The following ITPR1 variants were observed in gnomAD, a reference collection of about 807,000 sequenced individuals.
ITPR1 encodes inositol 1,4,5-trisphosphate receptor type 1.
In ITPR1, 96 loss-of-function variants were observed where a neutral mutation model predicts 318.4. That is an observed-to-expected ratio of 0.30 (90% CI 0.26 to 0.36). The LOEUF is 0.36. ITPR1 is among the 10% of genes least tolerant of loss of function. The pLI is 1.00. For missense variants in ITPR1, 2,440 were observed against 3,460.2 expected (o/e 0.71, Z 7.40); for synonymous variants, 1,312 against 1,289.9 (o/e 1.02, Z -0.37).
Position 4,754,966 on chromosome 3 carries a change from C to T in ITPR1, c.5545-11564C>T, listed in dbSNP as rs377263244. ...GTGTATCCCCACAAAAGATACTGGC[C>T]TTTGGCATCTGTTTGACTATTGAAC... On this transcript the variant is annotated intron_variant, in intron 44 of 61. Transcript: ENST00000649015. 8.9e-4 allele frequency among the ~76,000 whole-genome samples: 136 copies of T among 152,300 alleles called. 2 individuals carry two copies. The highest frequency in any genetic ancestry group is 3.2e-3 in the African/African-American group (133 of 41,562).
chr3:4,703,331 C>T (rs548673006), intron 36 of ITPR1, among the ~76,000 whole-genome samples: 7 of 152,282 alleles, frequency 4.6e-5, no homozygotes, highest in South Asian at 2.1e-4. Context: ...TCCTGGAAAG[C>T]ACCTGTCACA....
In ITPR1 at chr3:4,751,925, C is replaced by T. The variant is rs567535263; in HGVS notation, c.5545-14605C>T. ...GTTGCCTCTGGTTCTTCTGCCTTGA[C>T]CCTCCTTTTCACGGAGAAATCTATG... On this transcript the variant is annotated intron_variant, in intron 44 of 61. Transcript: ENST00000649015. 4.1e-4 allele frequency among the ~76,000 whole-genome samples: 62 copies of T among 152,310 alleles called. No homozygotes were observed. The South Asian group carries it at 8.3e-3, about 20-fold the overall frequency.
intron 42 of ITPR1, among the ~76,000 whole-genome samples, chr3:4,728,069 C>A (rs1185472424): frequency 1.3e-5 from 2 of 152,212 alleles, no homozygotes; most frequent in Non-Finnish European, 2.9e-5. Context: ...CCTGAAGTTC[C>A]TCAAATTAAC....
intron 4 of ITPR1, among the ~76,000 whole-genome samples, chr3:4,563,748 G>A (rs1575544408): frequency 6.6e-6 from 1 of 152,056 alleles, no homozygotes. Context: ...GCGTACCTGT[G>A]ACTCCACAGA....
intron 12 of ITPR1, among the ~76,000 whole-genome samples, chr3:4,654,996 A>C (rs1477081884): frequency 6.6e-6 from 1 of 152,046 alleles, no homozygotes; most frequent in Non-Finnish European, 1.5e-5. Context: ...TCTAGAGTCC[A>C]TTTTGAAAGC....
intron 55 of ITPR1, 145 bp downstream of exon 55, chr3:4,806,412 G>C (rs969506493): frequency 1.2e-6 from 1 of 804,488 alleles, no homozygotes; most frequent in Non-Finnish European, 2.0e-6. Context: ...GGCAGCCTTT[G>C]GGGGATCTGA....
chr3:4,537,929 A>G (rs1047845996), intron 4 of ITPR1, among the ~76,000 whole-genome samples: 7 of 152,106 alleles, frequency 4.6e-5, no homozygotes, highest in Non-Finnish European at 8.8e-5. Flanking sequence ...TTGAATAAGC[A>G]CTGACCCATG....
chr3:4,813,936 G>A (rs1423754149), intron 57 of ITPR1, among the ~76,000 whole-genome samples: 1 of 152,206 alleles, frequency 6.6e-6, no homozygotes, highest in Non-Finnish European at 1.5e-5. Context: ...GGCTCTTACT[G>A]CATAAACCAG....
rs1330259961 is a variant in ITPR1 at position 4,601,180 on chromosome 3, T to TA, written c.164-26583_164-26582insA. Among the ~76,000 whole-genome samples, 119 of 148,642 alleles carry TA rather than the reference T, an allele frequency of 8.0e-4. 1 individual carries two copies. The highest frequency in any genetic ancestry group is 2.6e-3 in the African/African-American group (107 of 40,642). ...ATTAAATGGGGAAAAATATTCTTTTTTTTTTTTTTTTTGGCACTGGGGCAA... is the reference window on the plus strand; with the variant it reads ...ATTAAATGGGGAAAAATATTCTTTTTATTTTTTTTTTTTGGCACTGGGGCAA... On this transcript the variant is annotated intron_variant, in intron 4 of 61. Coordinates refer to ENST00000649015, the MANE Select transcript of ITPR1 (RefSeq NM_001378452.1).
intron 61 of ITPR1, 103 bp downstream of exon 61, chr3:4,837,038 T>C (rs2050974264): frequency 9.2e-7 from 1 of 1,086,582 alleles, no homozygotes; most frequent in Non-Finnish European, 1.2e-6. Context: ...GTGCTTCATC[T>C]AGATGGAAAA....
At chr3:4,842,480 G>A (rs1321639184) in intron 61 of ITPR1, among the ~76,000 whole-genome samples, 2 of 152,156 alleles carry the variant, frequency 1.3e-5, no homozygotes, top group African/African-American at 4.8e-5. Context: ...TGATTCTCCT[G>A]CTTCAGGCCC....
At chr3:4,722,710 C>G (rs1195648494) in intron 40 of ITPR1, among the ~76,000 whole-genome samples, 1 of 151,986 alleles carries the variant, frequency 6.6e-6, no homozygotes, top group African/African-American at 2.4e-5. Flanking sequence ...GTTTTACCGA[C>G]TTAGATACCA....
chr3:4,685,068 G>T lies in ITPR1; in HGVS notation c.3565-1G>T. On this transcript the variant is annotated splice_acceptor_variant, in intron 29 of 61. Transcript: ENST00000649015. LOFTEE classifies it high-confidence loss of function. Reference sequence around the variant, plus strand: ...GAGACTGATTTCTTTCATTCTACTAGATTTTGATTCGGCTTAGCAAACTCT... The same window carrying T: ...GAGACTGATTTCTTTCATTCTACTATATTTTGATTCGGCTTAGCAAACTCT... 1 of 1,608,130 alleles carries T rather than the reference G, an allele frequency of 6.2e-7. No homozygotes were observed. The highest frequency in any genetic ancestry group is 1.1e-5 in the South Asian group (1 of 89,892).
intron 46 of ITPR1, 93 bp downstream of exon 46, chr3:4,768,857 A>G: frequency 8.1e-7 from 1 of 1,234,648 alleles, no homozygotes; most frequent in Non-Finnish European, 1.1e-6. Flanking sequence ...CACTTGGGCC[A>G]GATTGCTTGA....
intron 26 of ITPR1, 49 bp from the exon 27 acceptor site, chr3:4,683,337 G>T: frequency 6.2e-7 from 1 of 1,601,862 alleles, no homozygotes. Context: ...GGGCGTGAGA[G>T]GAGGCATTTG....
chr3:4,622,491 T>G (rs2092679532), intron 4 of ITPR1, among the ~76,000 whole-genome samples: 1 of 151,534 alleles, frequency 6.6e-6, no homozygotes. Context: ...TGGTGTGATA[T>G]CAGGTCACTG....
rs115881009 is a variant in ITPR1, at chr3:4,635,068, C to T, written c.280-4316C>T. On this transcript the variant is annotated intron_variant, in intron 5 of 61. Transcript: ENST00000649015. ...TCTATCCTCATTTTTAATGGCTACA[C>T]GGTTACTTCCTTGTTTGGCAGTACT... 5.7e-3 allele frequency among the ~76,000 whole-genome samples: 868 copies of T among 152,216 alleles called. 10 individuals carry two copies. The highest frequency in any genetic ancestry group is 0.02 in the African/African-American group (815 of 41,526).
chr3:4,619,104 T>C (rs1192667251), intron 4 of ITPR1, among the ~76,000 whole-genome samples: 1 of 152,248 alleles, frequency 6.6e-6, no homozygotes, highest in African/African-American at 2.4e-5. Context: ...ATATTTGAGC[T>C]TCCAGGGTTG....
intron 4 of ITPR1, among the ~76,000 whole-genome samples, chr3:4,608,975 T>C (rs1478000054): frequency 7.9e-6 from 1 of 127,036 alleles, no homozygotes. Flanking sequence ...CACTCCAGCC[T>C]GGATAACAGA....
Sources: allele counts gnomAD v4.1 joint callset (sites outside exome capture counted in the v4.1 genomes callset), GRCh38; gene constraint gnomAD v4.1.1; transcripts MANE v1.5; gene names NCBI Gene and HGNC (gene_info 2026-07-23, HGNC 2026-07-21).